Variants in ZFC3H1 observed in about 807,000 individuals in gnomAD.
The protein encoded by ZFC3H1 is zinc finger C3H1 domain-containing protein.
Under a neutral mutation model 243.7 loss-of-function variants are expected in ZFC3H1, and 71 were observed. The ratio of observed to expected loss-of-function variants is 0.29; its 90% CI spans 0.24 to 0.36. The LOEUF (loss-of-function observed/expected upper bound fraction) is 0.36, where lower values mean the gene tolerates loss of function less well. Among genes scored for constraint, ZFC3H1 ranks in the 10% least tolerant of loss-of-function variants. The pLI, the probability that ZFC3H1 is intolerant of heterozygous loss-of-function variation, is 1.00. For synonymous variants in ZFC3H1, 838 were observed against 813.0 expected (o/e 1.03, Z -0.52); for missense variants, 1,966 against 2,317.1 (o/e 0.85, Z 3.11).
At chr12:71,613,195 C>G in intron 31 of ZFC3H1, 140 bp downstream of exon 31, 1 of 551,482 alleles carries the variant, frequency 1.8e-6, no homozygotes. Context: ...ATTGGCTTAA[C>G]AACTCTGAAA....
In ZFC3H1 at chr12:71,640,461, G is replaced by A. The variant is rs116591145; in HGVS notation, c.1628-1946C>T. On this transcript the variant is annotated intron_variant, in intron 6 of 34. Transcript: ENST00000378743. ...GGCCAAGATGTGGGCCTTGCCCTGT[G>A]CCAGAAGGCTGGTTGGAACAGAGGT... Among the ~76,000 whole-genome samples the A allele has an allele frequency of 6.7e-3, 1,014 of 152,376 alleles. 13 individuals carry two copies. The highest frequency in any genetic ancestry group is 0.022 in the African/African-American group (928 of 41,598).
chr12:71,617,438 T>TAGTA (rs1879919027), intron 27 of ZFC3H1, among the ~76,000 whole-genome samples: 1 of 152,226 alleles, frequency 6.6e-6, no homozygotes, highest in African/African-American at 2.4e-5. Context: ...AAAGATGACT[T>TAGTA]AGTAATGAGA....
In ZFC3H1 at chr12:71,642,616, A is replaced by C. The variant is rs1289897613; in HGVS notation, c.1504-57T>G. The C allele has an allele frequency of 1.9e-6, 3 of 1,546,248 alleles. No individual in the cohort carries two copies. In the African/African-American group the frequency reaches 4.1e-5, roughly 21 times the overall value. ...CATTTTCTGTCTTGGGTTACAAATC[A>C]CAAAAGAACTGATAGTTATCTTCTA... On this transcript the variant is annotated intron_variant, in intron 5 of 34. Coordinates refer to ENST00000378743, the MANE Select transcript of ZFC3H1 (RefSeq NM_144982.5).
chr12:71,660,099 C>G (rs1190378770), intron 1 of ZFC3H1, among the ~76,000 whole-genome samples: 1 of 152,154 alleles, frequency 6.6e-6, no homozygotes, highest in Non-Finnish European at 1.5e-5. Context: ...AAACCCTATA[C>G]TCAGGCTACT....
intron 3 of ZFC3H1, among the ~76,000 whole-genome samples, chr12:71,645,300 T>C (rs1363474067): frequency 1.3e-5 from 2 of 152,164 alleles, no homozygotes; most frequent in South Asian, 2.1e-4. Context: ...TGTGTATATA[T>C]GTAATGTAGG....
chr12:71,635,601 T>G, intron 9 of ZFC3H1, 21 bp from the exon 10 acceptor site: 1 of 1,515,346 alleles, frequency 6.6e-7, no homozygotes, highest in Non-Finnish European at 8.8e-7. Flanking sequence ...AATATATTTA[T>G]TACTCGTGAT....
chr12:71,628,048 GACATGTAC>G (rs1880214252), intron 20 of ZFC3H1, 114 bp from the exon 21 acceptor site: 1 of 1,019,490 alleles, frequency 9.8e-7, no homozygotes, highest in African/African-American at 1.6e-5. Context: ...AGATTCTAAT[GACATGTAC>G]TAGCTCACAG....
rs189882825 is a variant in ZFC3H1 at position 71,629,974 on chromosome 12, G to C, written c.3725-264C>G. 6.6e-5 allele frequency among the ~76,000 whole-genome samples: 10 copies of C among 151,698 alleles called. No homozygotes were observed. The East Asian group carries it at 1.2e-3, about 18-fold the overall frequency. ...AGTAATTAAGTTAAAGTCCCAAATT[G>C]GGAGCGATAAAATAGATTCAGTGAC... is the stretch of plus-strand genomic sequence containing the variant. On this transcript the variant is annotated intron_variant, in intron 18 of 34. Coordinates refer to ENST00000378743, the MANE Select transcript of ZFC3H1 (RefSeq NM_144982.5).
At chr12:71,631,166 T>C (rs369229798) in intron 16 of ZFC3H1, among the ~76,000 whole-genome samples, 3 of 152,102 alleles carry the variant, frequency 2.0e-5, no homozygotes, top group Admixed American at 6.6e-5. Context: ...GAACATAAAA[T>C]AGTTTAAACA....
In ZFC3H1 at chr12:71,663,510, CTGT is replaced by C. The variant is rs759823547; in HGVS notation, c.98_100del (p.Asn33del). The C allele has an allele frequency of 1.3e-5, 21 of 1,613,480 alleles. No homozygotes were observed. The highest frequency in any genetic ancestry group is 5.3e-5 in the African/African-American group (4 of 74,962). The stretch of plus-strand genomic sequence containing the variant: ...GCTGCTGCTCCGACTCCGTATCTGG[CTGT>C]TATTATCGTCGTCACTGATTTCCCC... On this transcript the variant is annotated inframe_deletion, in exon 1 of 35. Coordinates refer to ENST00000378743, the MANE Select transcript of ZFC3H1 (RefSeq NM_144982.5).
chr12:71,628,061 T>C, intron 20 of ZFC3H1, 127 bp from the exon 21 acceptor site: 2 of 928,924 alleles, frequency 2.2e-6, no homozygotes, highest in South Asian at 1.6e-5. Context: ...ATGTACTAGC[T>C]CACAGCTTTA....
chr12:71,626,367 A>G lies in ZFC3H1; in HGVS notation c.4210T>C (p.Trp1404Arg), dbSNP rs769439208. ...GAGAACAATCTGAGGTAATGGCACC[A>G]AATTTCTGGATTGTCTTTGTTATTT... ...LENNKDNPEI[W>R]CHYLRLFSKR... Residue 1404 changes from tryptophan to arginine, a missense_variant, in exon 22 of 35, where the codon TGG becomes CGG. Transcript: ENST00000378743. The G allele has an allele frequency of 1.2e-6, 2 of 1,614,030 alleles. No individual in the cohort carries two copies. The highest frequency in any genetic ancestry group is 2.2e-5 in the South Asian group (2 of 91,076).
intron 3 of ZFC3H1, among the ~76,000 whole-genome samples, chr12:71,646,969 TCTTA>T (rs1313849539): frequency 6.6e-6 from 1 of 152,208 alleles, no homozygotes; most frequent in Non-Finnish European, 1.5e-5. Flanking sequence ...CTCAAATGAC[TCTTA>T]CTTCATCTAC....
At chr12:71,662,974 T>C in intron 1 of ZFC3H1, 39 bp downstream of exon 1, 6 of 1,539,074 alleles carry the variant, frequency 3.9e-6, no homozygotes, top group Non-Finnish European at 5.2e-6. Flanking sequence ...AAGGGAACTT[T>C]AGTGACACAC....
chr12:71,632,797 A>G (rs1299089772), intron 14 of ZFC3H1, 89 bp downstream of exon 14: 3 of 1,516,992 alleles, frequency 2.0e-6, no homozygotes, highest in Non-Finnish European at 2.7e-6. Context: ...TTTACAGCAA[A>G]GAGTTACTTT....
chr12:71,620,462 C>A, intron 24 of ZFC3H1, 147 bp from the exon 25 acceptor site: 1 of 755,550 alleles, frequency 1.3e-6, no homozygotes, highest in South Asian at 1.9e-5. Flanking sequence ...CTTTACTGAG[C>A]TGGCTTTTAC....
At chr12:71,624,674 T>C (rs979196540) in intron 22 of ZFC3H1, among the ~76,000 whole-genome samples, 1 of 152,218 alleles carries the variant, frequency 6.6e-6, no homozygotes, top group African/African-American at 2.4e-5. Context: ...GTTTTGAGAA[T>C]AGATTTGTAT....
chr12:71,634,092 C>T (rs1880396244), intron 12 of ZFC3H1, 63 bp downstream of exon 12: 4 of 1,500,178 alleles, frequency 2.7e-6, no homozygotes, highest in Middle Eastern at 1.8e-4. Flanking sequence ...TAATAACATA[C>T]ACCACAAAAA....
intron 29 of ZFC3H1, 40 bp downstream of exon 29, chr12:71,614,794 A>C (rs1208289172): frequency 6.2e-7 from 1 of 1,602,030 alleles, no homozygotes; most frequent in Non-Finnish European, 8.5e-7. Context: ...ATACCCCTTT[A>C]TCCCCAAATC....
Sources: gnomAD v4.1 joint callset for allele counts (sites outside exome capture counted in the v4.1 genomes callset) on GRCh38, gnomAD v4.1.1 for gene constraint, MANE v1.5 for transcripts, NCBI Gene and HGNC (gene_info 2026-07-23, HGNC 2026-07-21) for gene names.